Variants in KDM5A observed in about 807,000 individuals in gnomAD.
The protein encoded by KDM5A is lysine demethylase 5A.
In KDM5A, 42 loss-of-function variants were observed where a neutral mutation model predicts 193.5. The observed-to-expected ratio is 0.22, with a 90% CI of 0.17 to 0.28. The LOEUF (loss-of-function observed/expected upper bound fraction) is 0.28, where lower values mean the gene tolerates loss of function less well. KDM5A is among the 10% of genes least tolerant of loss of function. The probability of loss-of-function intolerance (pLI) is 1.00; values close to 1 mark genes in which losing one functional copy is unlikely to be tolerated. For synonymous variants in KDM5A, 796 were observed against 718.1 expected (o/e 1.11, Z -1.73); for missense variants, 1,692 against 2,055.1 (o/e 0.82, Z 3.42).
intron 10 of KDM5A, among the ~76,000 whole-genome samples, chr12:343,497 C>T (rs1207299876): frequency 6.6e-6 from 1 of 152,150 alleles, no homozygotes; most frequent in Non-Finnish European, 1.5e-5. Context: ...CTGGGAGACA[C>T]CCCTAGTAGG....
chr12:318,062 T>C, intron 19 of KDM5A, 44 bp downstream of exon 19: 1 of 1,394,700 alleles, frequency 7.2e-7, no homozygotes, highest in Non-Finnish European at 1.0e-6. Context: ...CTCTACCTTC[T>C]GACTTAGTTG....
At chr12:313,963 G>C (rs1161182094) in intron 19 of KDM5A, among the ~76,000 whole-genome samples, 1 of 152,178 alleles carries the variant, frequency 6.6e-6, no homozygotes, top group African/African-American at 2.4e-5. Flanking sequence ...TTTGCGATTA[G>C]GGGGTGATGT....
At chr12:286,843 A>G (rs1943224822) in intron 27 of KDM5A, among the ~76,000 whole-genome samples, 1 of 152,152 alleles carries the variant, frequency 6.6e-6, no homozygotes, top group Non-Finnish European at 1.5e-5. Flanking sequence ...ATGATATTCT[A>G]CTTGTTTTGT....
chr12:389,283 C>A lies in KDM5A; in HGVS notation c.-192G>T. 2.8e-6 allele frequency: 2 copies of A among 717,168 alleles called. No individual in the cohort carries two copies. Among genetic ancestry groups the A allele is most frequent in the Non-Finnish European group, 2.5e-6 (1 of 399,098 alleles). 44.4% of individuals were successfully genotyped at this position (717,168 alleles called of 1,614,324 possible). A position where few individuals can be genotyped will look rare whatever the true frequency, so the allele number is the denominator to read the frequency against. On this transcript the variant is annotated 5_prime_UTR_variant, in exon 1 of 28. Coordinates refer to ENST00000399788, the MANE Select transcript of KDM5A (RefSeq NM_001042603.3). ...TATTGTTTCTTGCAAGGCTTTTCCA[C>A]TGAGGTTCAGGACTTTTCCGGAAGT...
intron 3 of KDM5A, among the ~76,000 whole-genome samples, chr12:370,285 T>G (rs1944410042): frequency 6.6e-6 from 1 of 152,042 alleles, no homozygotes; most frequent in South Asian, 2.1e-4. Flanking sequence ...CCCAGTTACT[T>G]GGGAGGCTGA....
chr12:318,008 A>C, intron 19 of KDM5A, 98 bp downstream of exon 19: 1 of 959,080 alleles, frequency 1.0e-6, no homozygotes, highest in Non-Finnish European at 1.6e-6. Context: ...GCAAAAAAAA[A>C]AAAAGTCATT....
chr12:374,710 A>ACT (rs1944478805), intron 3 of KDM5A, among the ~76,000 whole-genome samples: 1 of 152,106 alleles, frequency 6.6e-6, no homozygotes, highest in African/African-American at 2.4e-5. Flanking sequence ...AGTGGCTGGT[A>ACT]CCAGTTGTTC....
rs143260378 is a variant in KDM5A, at chr12:383,097, C to T, written c.366+934G>A. Among the ~76,000 whole-genome samples the T allele has an allele frequency of 2.6e-5, 4 of 152,064 alleles. No homozygotes were observed. The East Asian group carries it at 7.7e-4, about 29-fold the overall frequency. On this transcript the variant is annotated intron_variant, in intron 3 of 27. Transcript: ENST00000399788. Reference sequence around the variant, plus strand: ...TTAAGTTTCTGAGCTGTTTGGTCATCCTACTGAATAATGATGGCCTCAGTC... The same window carrying T: ...TTAAGTTTCTGAGCTGTTTGGTCATTCTACTGAATAATGATGGCCTCAGTC...
intron 27 of KDM5A, among the ~76,000 whole-genome samples, chr12:292,044 A>C (rs1943301525): frequency 6.6e-6 from 1 of 151,982 alleles, no homozygotes; most frequent in Non-Finnish European, 1.5e-5. Flanking sequence ...CTGAGATTAC[A>C]GGTGTCCGCC....
chr12:342,203 C>T (rs1944014566), intron 10 of KDM5A, among the ~76,000 whole-genome samples: 1 of 152,144 alleles, frequency 6.6e-6, no homozygotes, highest in Non-Finnish European at 1.5e-5. Context: ...TATATATCCT[C>T]TGTACTATGC....
At chr12:314,798 G>C (rs1299933560) in intron 19 of KDM5A, among the ~76,000 whole-genome samples, 2 of 152,188 alleles carry the variant, frequency 1.3e-5, no homozygotes, top group African/African-American at 4.8e-5. Flanking sequence ...CAAAGATGCA[G>C]AGAAAGAACA....
In KDM5A at chr12:330,085, G is replaced by GTGTGTGTGTGTGTATATATATATA. The variant is rs377271333; in HGVS notation, c.1774-1057_1774-1056insTATATATATATACACACACACACA. On this transcript the variant is annotated intron_variant, in intron 13 of 27. Coordinates refer to ENST00000399788, the MANE Select transcript of KDM5A (RefSeq NM_001042603.3). ...TGTGTGTGTGTGTGTGTGTGTGTGTGTATATATATATATCTTATGATTAGC... is the reference window on the plus strand; with the variant it reads ...TGTGTGTGTGTGTGTGTGTGTGTGTGTGTGTGTGTGTGTATATATATATATATATATATATATCTTATGATTAGC... Among the ~76,000 whole-genome samples, 575 of 139,298 alleles carry GTGTGTGTGTGTGTATATATATATA rather than the reference G, an allele frequency of 4.1e-3. 1 individual carries two copies. Among genetic ancestry groups the GTGTGTGTGTGTGTATATATATATA allele is most frequent in the Middle Eastern group, 7.2e-3 (2 of 278 alleles). 91.4% of individuals were successfully genotyped at this position (139,298 alleles called of 152,430 possible). A position where few individuals can be genotyped will look rare whatever the true frequency, so the allele number is the denominator to read the frequency against.
chr12:301,579 A>C (rs892719887), intron 24 of KDM5A, among the ~76,000 whole-genome samples: 2 of 152,242 alleles, frequency 1.3e-5, no homozygotes, highest in Admixed American at 6.5e-5. Context: ...ATCATACTGA[A>C]TGGGTAAAAA....
intron 19 of KDM5A, among the ~76,000 whole-genome samples, chr12:316,101 T>A (rs1479104238): frequency 6.6e-6 from 1 of 152,214 alleles, no homozygotes; most frequent in Non-Finnish European, 1.5e-5. Context: ...AAGAAAATAA[T>A]GGTAAGTAGT....
intron 4 of KDM5A, 72 bp from the exon 5 acceptor site, chr12:363,169 T>C: frequency 1.3e-6 from 2 of 1,567,786 alleles, no homozygotes; most frequent in South Asian, 2.2e-5. Flanking sequence ...AGTGTAAAAG[T>C]AATAAATTGC....
chr12:331,984 TAACA>T (rs759540427), intron 12 of KDM5A, 46 bp from the exon 13 acceptor site: 63 of 1,570,566 alleles, frequency 4.0e-5, no homozygotes, highest in Non-Finnish European at 5.4e-5. Context: ...AAAATAAAAA[TAACA>T]AACAGAGGAA....
In KDM5A at chr12:282,467, C is replaced by T. The variant is rs1943167363; in HGVS notation, c.*2989G>A. The T allele has an allele frequency of 4.3e-6, 1 of 233,264 alleles. No individual in the cohort carries two copies. Among genetic ancestry groups the T allele is most frequent in the Non-Finnish European group, 8.5e-6 (1 of 118,012 alleles). The allele number at this position is 233,264 out of a possible 1,614,324, so 14.4% of individuals were successfully genotyped here. ...TTAGTGAGGAAGTCATGCATCTACA[C>T]ATCAACATGGCTTTGCTGCAGTACC... is the stretch of plus-strand genomic sequence containing the variant. On this transcript the variant is annotated 3_prime_UTR_variant, in exon 28 of 28. Transcript: ENST00000399788.
chr12:374,946 C>T (rs2137484671), intron 3 of KDM5A, among the ~76,000 whole-genome samples: 1 of 152,292 alleles, frequency 6.6e-6, no homozygotes, highest in Non-Finnish European at 1.5e-5. Context: ...GAGAGATCCG[C>T]TGTTAGTCTG....
chr12:349,195 T>C (rs1208556536), intron 10 of KDM5A, among the ~76,000 whole-genome samples: 2 of 151,996 alleles, frequency 1.3e-5, no homozygotes, highest in Non-Finnish European at 2.9e-5. Context: ...TAATTTTTTA[T>C]ATTTAGTAGA....
Sources: allele counts gnomAD v4.1 joint callset (sites outside exome capture counted in the v4.1 genomes callset), GRCh38; gene constraint gnomAD v4.1.1; transcripts MANE v1.5; gene names NCBI Gene and HGNC (gene_info 2026-07-23, HGNC 2026-07-21).